The following KDM6B variants were observed in gnomAD, a reference collection of about 807,000 sequenced individuals.
The protein encoded by KDM6B is lysine demethylase 6B, also known as lysine-specific demethylase 6B.
A neutral mutation model predicts 150.4 loss-of-function variants in KDM6B; 22 were observed. The ratio of observed to expected loss-of-function variants is 0.15; its 90% CI spans 0.10 to 0.21. KDM6B has a LOEUF of 0.21. Among genes scored for constraint, KDM6B ranks in the 10% least tolerant of loss-of-function variants. The pLI is 1.00. For missense variants in KDM6B, 1,984 were observed against 2,234.3 expected, an observed-to-expected ratio of 0.89 and a Z score of 2.26; for synonymous variants, 1,148 against 921.1, an observed-to-expected ratio of 1.25 and a Z score of -4.46.
Position 7,843,772 on chromosome 17 carries a change from T to A in KDM6B, c.-268-1129T>A, listed in dbSNP as rs960455083. On this transcript the variant is annotated intron_variant, in intron 2 of 23. Coordinates refer to ENST00000448097, the MANE Select transcript of KDM6B (RefSeq NM_001348716.2). This position sits in a 1 kb window ranked among gnomAD's most constrained non-coding sequence, Gnocchi z 4.5. ...CAATGGACCGATCCCGGGAGCCGAG[T>A]CGGCTCCCTACCTGCGGGGACGCCG... Among the ~76,000 whole-genome samples the A allele has an allele frequency of 3.3e-5, 5 of 151,684 alleles. No individual in the cohort carries two copies. The highest frequency in any genetic ancestry group is 1.2e-4 in the African/African-American group (5 of 41,238).
chr17:7,849,787 A>C (rs1428401263), intron 12 of KDM6B, 34 bp from the exon 13 acceptor site: 1 of 1,612,644 alleles, frequency 6.2e-7, no homozygotes, highest in African/African-American at 1.3e-5. Context: ...CATCACCCTG[A>C]TGTTTCTGTC....
rs200025576 is a variant in KDM6B, at chr17:7,845,728, C to T, written c.137+37C>T. ...GGGCCCTCTGTCTCCAGGCACACCTCTTTCCATCTCTGTATCCCTCAATCT... is the reference window on the plus strand; with the variant it reads ...GGGCCCTCTGTCTCCAGGCACACCTTTTTCCATCTCTGTATCCCTCAATCT... On this transcript the variant is annotated intron_variant, in intron 5 of 23. Transcript: ENST00000448097. The T allele has an allele frequency of 5.5e-5, 89 of 1,613,782 alleles. No homozygotes were observed. In the African/African-American group the frequency reaches 5.7e-4, roughly 10 times the overall value.
intron 23 of KDM6B, 30 bp from the exon 24 acceptor site, chr17:7,853,468 C>T (rs1462152863): frequency 6.6e-7 from 1 of 1,508,002 alleles, no homozygotes; most frequent in African/African-American, 1.4e-5. Context: ...CGCGCCTTTC[C>T]CTGAGCCCCC....
rs557000080 is a variant in KDM6B, at chr17:7,848,728, C to T, written c.2440C>T (p.Gln814Ter). The change falls in exon 12 of 24, where the codon CAA becomes TAA. Residue 814 changes from glutamine (Q) to a stop codon, truncating the protein, a stop_gained. Coordinates refer to ENST00000448097, the MANE Select transcript of KDM6B (RefSeq NM_001348716.2). LOFTEE classifies it high-confidence loss of function. Reference sequence around the variant, plus strand: ...ATCCTTGGCCTCCGTGCTGGAGGGACAAAAGTACTGTTATCGGGGGACTGG... The same window carrying T: ...ATCCTTGGCCTCCGTGCTGGAGGGATAAAAGTACTGTTATCGGGGGACTGG... ...LKSLASVLEG[Q>*]KYCYRGTGAA... 6.2e-7 allele frequency: 1 copy of T among 1,612,882 alleles called. No individual in the cohort carries two copies. The highest frequency in any genetic ancestry group is 1.3e-5 in the African/African-American group (1 of 74,984).
chr17:7,849,768 C>T (rs1328871533), intron 12 of KDM6B, 40 bp downstream of exon 12: 2 of 1,612,678 alleles, frequency 1.2e-6, no homozygotes, highest in Non-Finnish European at 1.7e-6. Context: ...GAGACAGGCT[C>T]CCTTCCCCCA....
chr17:7,852,414 G>T, intron 20 of KDM6B, 78 bp downstream of exon 20: 1 of 1,334,848 alleles, frequency 7.5e-7, no homozygotes, highest in African/African-American at 1.4e-5. Context: ...TTGGAGAGCC[G>T]CCAGCAGTGA....
chr17:7,845,422 C>CA lies in KDM6B; in HGVS notation c.-38dup, dbSNP rs1439952629. On this transcript the variant is annotated 5_prime_UTR_variant, in exon 4 of 24. Transcript: ENST00000448097. ...GAGAGCTGGGGCAGGGGGCCGTGCC[C>CA]AATCTCCAGGGCTCCTGGGGCCACT... The CA allele has an allele frequency of 1.6e-5, 18 of 1,156,974 alleles. No homozygotes were observed. Among genetic ancestry groups the CA allele is most frequent in the Non-Finnish European group, 2.3e-5 (18 of 767,106 alleles). The allele number at this position is 1,156,974 out of a possible 1,614,324, so 71.7% of individuals were successfully genotyped here.
At chr17:7,851,624 T>A (rs1359815212) in intron 17 of KDM6B, 24 bp from the exon 18 acceptor site, 1 of 1,600,438 alleles carries the variant, frequency 6.2e-7, no homozygotes. Context: ...GGGTGTAGCC[T>A]CTCGTCGCAC....
intron 5 of KDM6B, 64 bp from the exon 6 acceptor site, chr17:7,845,808 T>A: frequency 6.3e-7 from 1 of 1,586,552 alleles, no homozygotes. Context: ...ATCAGCCCCC[T>A]CCTGCCTAGG....
At chr17:7,847,046 T>C (rs763818016) in intron 10 of KDM6B, 30 bp downstream of exon 10, 35 of 1,611,418 alleles carry the variant, frequency 2.2e-5, no homozygotes, top group Non-Finnish European at 2.9e-5. Context: ...CTTTCACCTC[T>C]CACCTACAAG....
rs546738231 is a variant in KDM6B at position 7,843,063 on chromosome 17, C to T, written c.-268-1838C>T. Among the ~76,000 whole-genome samples the T allele has an allele frequency of 6.6e-6, 1 of 152,182 alleles. No individual in the cohort carries two copies. Among genetic ancestry groups the T allele is most frequent in the African/African-American group, 2.4e-5 (1 of 41,546 alleles). On this transcript the variant is annotated intron_variant, in intron 2 of 23. Coordinates refer to ENST00000448097, the MANE Select transcript of KDM6B (RefSeq NM_001348716.2). This position sits in a 1 kb window ranked among gnomAD's most constrained non-coding sequence, Gnocchi z 4.5. ...CAGGGAGCTGGAGGGACGGCACTCA[C>T]TGACTTAGGGAAAGCTGAGTCAGTT...
At chr17:7,842,098 T>C (rs1362881327) in intron 2 of KDM6B, among the ~76,000 whole-genome samples, 7 of 152,200 alleles carry the variant, frequency 4.6e-5, no homozygotes, top group African/African-American at 9.7e-5. Flanking sequence ...GCGTGCGCAC[T>C]TCAGGCCTCT....
Position 7,852,069 on chromosome 17 carries a change from C to A in KDM6B, c.4280+4C>A, listed in dbSNP as rs1257302687. On this transcript the variant is annotated splice_donor_region_variant and intron_variant, in intron 19 of 23. Coordinates refer to ENST00000448097, the MANE Select transcript of KDM6B (RefSeq NM_001348716.2). Reference sequence around the variant, plus strand: ...CCATCAGCGCTTTCTGTGATCGGTGCGTGCCGTCCTGCGCAAGTCAGACTG... The same window carrying A: ...CCATCAGCGCTTTCTGTGATCGGTGAGTGCCGTCCTGCGCAAGTCAGACTG... 3 of 1,613,588 alleles carry A rather than the reference C, an allele frequency of 1.9e-6. No homozygotes were observed. The East Asian group carries it at 6.7e-5, about 36-fold the overall frequency.
rs776334625 is a variant in KDM6B at position 7,845,527 on chromosome 17, A to G, written c.-5-23A>G. 1.1e-5 allele frequency: 18 copies of G among 1,613,914 alleles called. No homozygotes were observed. In the Admixed American group the frequency reaches 2.5e-4, roughly 22 times the overall value. On this transcript the variant is annotated intron_variant, in intron 4 of 23. Coordinates refer to ENST00000448097, the MANE Select transcript of KDM6B (RefSeq NM_001348716.2). ...CTCTGGTTTTGCCTCCAGTAAGAGC[A>G]TAATTTCTTATCCCCAACTCAGGCT...
At position 7,851,935 on chromosome 17, in the gene KDM6B, C is replaced by T. The variant is rs996974425; in HGVS notation, c.4166-16C>T. 1.9e-6 allele frequency: 3 copies of T among 1,612,568 alleles called. No homozygotes were observed. Among genetic ancestry groups the T allele is most frequent in the Non-Finnish European group, 2.5e-6 (3 of 1,179,046 alleles). ...CCGACCTGGCCAGCCATGCCGTTCTCTGTCGACCCCTGCAGGCCACCAGGA... is the reference window on the plus strand; with the variant it reads ...CCGACCTGGCCAGCCATGCCGTTCTTTGTCGACCCCTGCAGGCCACCAGGA... On this transcript the variant is annotated splice_polypyrimidine_tract_variant and intron_variant, in intron 18 of 23. Transcript: ENST00000448097.
In KDM6B at chr17:7,854,449, AAG is replaced by A. The variant is rs2078771384; in HGVS notation, c.*930_*931del. On this transcript the variant is annotated 3_prime_UTR_variant, in exon 24 of 24. Coordinates refer to ENST00000448097, the MANE Select transcript of KDM6B (RefSeq NM_001348716.2). ...ATAAAAAAATTAAAGGTTTTAAAGA[AAG>A]AACTATGAGGAAAAGGAACCCCGTC... is the stretch of plus-strand genomic sequence containing the variant. The A allele has an allele frequency of 6.6e-6, 1 of 152,350 alleles. No individual in the cohort carries two copies. Among genetic ancestry groups the A allele is most frequent in the African/African-American group, 2.4e-5 (1 of 41,436 alleles). 9.4% of individuals were successfully genotyped at this position (152,350 alleles called of 1,614,324 possible).
rs1301193099 is a variant in KDM6B at position 7,843,692 on chromosome 17, C to T, written c.-268-1209C>T. On this transcript the variant is annotated intron_variant, in intron 2 of 23. Transcript: ENST00000448097. The surrounding 1 kb of genome is among the most constrained non-coding windows in gnomAD (Gnocchi z 4.5). The stretch of plus-strand genomic sequence containing the variant: ...CTCCAGCTGGAGCGCTGGCCCCGCC[C>T]CCGCGGCTTTGTACTCGACACTCGC... Among the ~76,000 whole-genome samples, 1 of 152,132 alleles carries T rather than the reference C, an allele frequency of 6.6e-6. No individual in the cohort carries two copies. Among genetic ancestry groups the T allele is most frequent in the East Asian group, 1.9e-4 (1 of 5,176 alleles).
In KDM6B at chr17:7,848,637, G is replaced by T. The variant is rs1284725985; in HGVS notation, c.2349G>T (p.Lys783Asn). ...TACCACCACCACCGCCTCTAGCCAAGTTCCCTCCACCCTCTCAGCCACAGC... is the reference window on the plus strand; with the variant it reads ...TACCACCACCACCGCCTCTAGCCAATTTCCCTCCACCCTCTCAGCCACAGC... ...PALPPPPPLA[K>N]FPPPSQPQPP... Residue 783 changes from lysine (K) to asparagine (N), a missense_variant, in exon 12 of 24, where the codon AAG (lysine) becomes AAT (asparagine). By Grantham distance (94) the Lys-to-Asn change is moderately conservative. This residue lies in a region of KDM6B where 1,379 missense variants were observed against 1,275.6 expected (regional missense o/e 1.08). Transcript: ENST00000448097. 6.2e-7 allele frequency: 1 copy of T among 1,600,316 alleles called. No homozygotes were observed. Among genetic ancestry groups the T allele is most frequent in the Admixed American group, 1.7e-5 (1 of 58,790 alleles).
chr17:7,848,648 C>T lies in KDM6B; in HGVS notation c.2360C>T (p.Pro787Leu), dbSNP rs747163354. Residue 787 changes from proline (P) to leucine (L), a missense_variant, in exon 12 of 24, where the codon CCC becomes CTC. Physicochemically the swap from Pro to Leu is moderately conservative, Grantham distance 98. This residue lies in a region of KDM6B where 1,379 missense variants were observed against 1,275.6 expected (regional missense o/e 1.08). Transcript: ENST00000448097. Reference protein sequence around the residue: ...PPPPLAKFPPPSQPQPPPPPP... With the variant: ...PPPPLAKFPPLSQPQPPPPPP... ...CCGCCTCTAGCCAAGTTCCCTCCACCCTCTCAGCCACAGCCACCACCACCC... is the reference window on the plus strand; with the variant it reads ...CCGCCTCTAGCCAAGTTCCCTCCACTCTCTCAGCCACAGCCACCACCACCC... 5.0e-6 allele frequency: 8 copies of T among 1,603,044 alleles called. No individual in the cohort carries two copies. Among genetic ancestry groups the T allele is most frequent in the African/African-American group, 2.7e-5 (2 of 74,598 alleles).
Sources: allele counts gnomAD v4.1 joint callset (sites outside exome capture counted in the v4.1 genomes callset), GRCh38; gene constraint gnomAD v4.1.1; regional missense constraint gnomAD v4.1.1; non-coding constraint Gnocchi (gnomAD v3.1); transcripts MANE v1.5; gene names NCBI Gene and HGNC (gene_info 2026-07-23, HGNC 2026-07-21).